Variants in USP49 observed in about 807,000 individuals in gnomAD.
USP49 encodes the protein ubiquitin carboxyl-terminal hydrolase 49.
A neutral mutation model predicts 58.6 loss-of-function variants in USP49; 24 were observed. That is an observed-to-expected ratio of 0.41 (90% confidence interval 0.30 to 0.58). The LOEUF (loss-of-function observed/expected upper bound fraction) is 0.58, where lower values mean the gene tolerates loss of function less well. Ranked by LOEUF, USP49 falls within the 20% of genes least tolerant of loss-of-function variation. USP49 has a pLI of 0.30. For synonymous variants in USP49, 408 were observed against 365.1 expected, an observed-to-expected ratio of 1.12 and a Z score of -1.34; for missense variants, 703 against 866.1, an observed-to-expected ratio of 0.81 and a Z score of 2.36.
chr6:41,821,407 G>A (rs997147324), intron 3 of USP49, among the ~76,000 whole-genome samples: 3 of 152,176 alleles, frequency 2.0e-5, no homozygotes, highest in Non-Finnish European at 4.4e-5. Context: ...AGCCACTTTA[G>A]TCAGTCTGTT....
chr6:41,852,661 TAC>T (rs1220466364), intron 3 of USP49, among the ~76,000 whole-genome samples: 1 of 152,150 alleles, frequency 6.6e-6, no homozygotes, highest in Non-Finnish European at 1.5e-5. Context: ...AAAAGCAATA[TAC>T]AGATTCGATG....
At position 41,859,453 on chromosome 6, in the gene USP49, GCATAC is replaced by G. The variant is rs1307232215; in HGVS notation, c.-29+12106_-29+12110del. ...CCACTACCCTCCAAGGCTGGGTTAAGCATACCTTCTATGTGCTCTCCGAGCACGTG... is the reference window on the plus strand; with the variant it reads ...CCACTACCCTCCAAGGCTGGGTTAAGCTTCTATGTGCTCTCCGAGCACGTG... On this transcript the variant is annotated intron_variant, in intron 3 of 7. Coordinates refer to ENST00000682992, the MANE Select transcript of USP49 (RefSeq NM_001286554.2). Among the ~76,000 whole-genome samples the G allele has an allele frequency of 2.6e-5, 4 of 152,226 alleles. No homozygotes were observed. The South Asian group carries it at 8.3e-4, about 32-fold the overall frequency.
chr6:41,830,917 T>C (rs1773622054), intron 3 of USP49, among the ~76,000 whole-genome samples: 1 of 152,122 alleles, frequency 6.6e-6, no homozygotes. Flanking sequence ...TACAGGCTGA[T>C]TGATAGGAAC....
At chr6:41,810,871 T>C (rs1371074704) in intron 3 of USP49, among the ~76,000 whole-genome samples, 2 of 152,124 alleles carry the variant, frequency 1.3e-5, no homozygotes, top group Non-Finnish European at 2.9e-5. Context: ...TAGTTCCTCT[T>C]TCAAGGTGAA....
intron 2 of USP49, among the ~76,000 whole-genome samples, chr6:41,874,759 T>A (rs982874209): frequency 6.6e-6 from 1 of 152,148 alleles, no homozygotes; most frequent in Non-Finnish European, 1.5e-5. Context: ...GCCCAGGAGT[T>A]TGAGACCAGC....
intron 3 of USP49, among the ~76,000 whole-genome samples, chr6:41,855,556 A>G (rs1370870377): frequency 6.6e-6 from 1 of 152,088 alleles, no homozygotes; most frequent in African/African-American, 2.4e-5. Context: ...TACTTTTATT[A>G]TTTTCTGACC....
In USP49 at chr6:41,857,078, G is replaced by A. The variant is rs146517043; in HGVS notation, c.-29+14486C>T. Among the ~76,000 whole-genome samples, 936 of 152,238 alleles carry A rather than the reference G, an allele frequency of 6.1e-3. 7 individuals carry two copies. The highest frequency in any genetic ancestry group is 0.02 in the African/African-American group (816 of 41,536). ...AATCAAGGACCAGTGTGTGCAACTG[G>A]TAGGGATCTGCTGGCTATACAGCAA... is the stretch of plus-strand genomic sequence containing the variant. On this transcript the variant is annotated intron_variant, in intron 3 of 7. Transcript: ENST00000682992.
intron 3 of USP49, among the ~76,000 whole-genome samples, chr6:41,810,670 C>T (rs1462232624): frequency 6.6e-6 from 1 of 150,798 alleles, no homozygotes; most frequent in African/African-American, 2.4e-5. Flanking sequence ...CCTCAGCCTC[C>T]CTAGTAGCTG....
At chr6:41,862,561 C>T (rs902531010) in intron 3 of USP49, among the ~76,000 whole-genome samples, 3 of 151,974 alleles carry the variant, frequency 2.0e-5, no homozygotes, top group Non-Finnish European at 4.4e-5. Flanking sequence ...AAAAGATGGT[C>T]CTCAAACTAC....
At position 41,791,419 on chromosome 6, in the gene USP49, C is replaced by G. The variant is rs1246518500; in HGVS notation, c.*5114G>C. On this transcript the variant is annotated 3_prime_UTR_variant, in exon 8 of 8. Coordinates refer to ENST00000682992, the MANE Select transcript of USP49 (RefSeq NM_001286554.2). ...AGCCAACTGCATCCAGCCAATGTTT[C>G]ATTTCAACTGGCTTAAATCTTCAAA... 1 of 152,218 alleles carries G rather than the reference C, an allele frequency of 6.6e-6. No individual in the cohort carries two copies. The highest frequency in any genetic ancestry group is 2.4e-5 in the African/African-American group (1 of 41,454). 9.4% of individuals were successfully genotyped at this position (152,218 alleles called of 1,614,324 possible).
chr6:41,857,518 T>C (rs1582024832), intron 3 of USP49, among the ~76,000 whole-genome samples: 1 of 152,158 alleles, frequency 6.6e-6, no homozygotes. Context: ...TAGTGGTGCA[T>C]GCTTGTAGTC....
intron 2 of USP49, among the ~76,000 whole-genome samples, chr6:41,884,127 A>C (rs1774666296): frequency 6.6e-6 from 1 of 151,980 alleles, no homozygotes; most frequent in African/African-American, 2.4e-5. Context: ...GGGTTCAAGC[A>C]ATTCTCCTGC....
chr6:41,814,839 A>T (rs1172561011), intron 3 of USP49, among the ~76,000 whole-genome samples: 2 of 152,178 alleles, frequency 1.3e-5, no homozygotes, highest in African/African-American at 2.4e-5. Context: ...TACATAAAAG[A>T]ATACTAATTA....
intron 7 of USP49, chr6:41,797,791 C>G: frequency 3.0e-6 from 3 of 985,834 alleles, no homozygotes; most frequent in Non-Finnish European, 3.6e-6. Flanking sequence ...GTAATATTAT[C>G]AATAACCAAT....
Position 41,867,620 on chromosome 6 carries a change from C to A in USP49, c.-29+3944G>T, listed in dbSNP as rs759873219. 1.3e-5 allele frequency among the ~76,000 whole-genome samples: 2 copies of A among 148,256 alleles called. 1 individual carries two copies. Among genetic ancestry groups the A allele is most frequent in the Admixed American group, 1.3e-4 (2 of 14,878 alleles). On this transcript the variant is annotated intron_variant, in intron 3 of 7. Transcript: ENST00000682992. ...AAAAAAAAAAAGCTAGGAGTGGTGG[C>A]GAGCGCCTGTAGTCCTAGCTACTCG...
chr6:41,820,261 G>A (rs1773431361), intron 3 of USP49, among the ~76,000 whole-genome samples: 1 of 151,444 alleles, frequency 6.6e-6, no homozygotes, highest in Non-Finnish European at 1.5e-5. Context: ...AATTTGGTAA[G>A]TTTTAATATA....
intron 3 of USP49, among the ~76,000 whole-genome samples, chr6:41,831,180 A>G (rs1773626993): frequency 1.3e-5 from 2 of 152,270 alleles, no homozygotes; most frequent in South Asian, 4.1e-4. Context: ...TCACGAAGTC[A>G]GGAGTTTAAG....
chr6:41,829,364 G>A (rs1039046607), intron 3 of USP49, among the ~76,000 whole-genome samples: 3 of 151,456 alleles, frequency 2.0e-5, no homozygotes, highest in African/African-American at 7.3e-5. Flanking sequence ...GCCCAGGCTG[G>A]AGTGCAATGG....
Position 41,833,897 on chromosome 6 carries a change from C to T in USP49, c.-28-26886G>A, listed in dbSNP as rs183090242. Among the ~76,000 whole-genome samples, 728 of 152,312 alleles carry T rather than the reference C, an allele frequency of 4.8e-3. 5 individuals are homozygous for T. Among genetic ancestry groups the T allele is most frequent in the African/African-American group, 0.016 (684 of 41,568 alleles). On this transcript the variant is annotated intron_variant, in intron 3 of 7. Coordinates refer to ENST00000682992, the MANE Select transcript of USP49 (RefSeq NM_001286554.2). ...TGGCAGTTTATCTACGAAGCTGTTG[C>T]TGAATTCTGCCCTTTTGGCAAAACA...
Sources: allele counts gnomAD v4.1 joint callset (sites outside exome capture counted in the v4.1 genomes callset), GRCh38; gene constraint gnomAD v4.1.1; transcripts MANE v1.5; gene names NCBI Gene and HGNC (gene_info 2026-07-23, HGNC 2026-07-21).